The following GRIK2 variants were observed in gnomAD, a reference collection of about 807,000 sequenced individuals.
The protein encoded by GRIK2 is glutamate ionotropic receptor kainate type subunit 2.
GRIK2 carries 32 observed loss-of-function variants against 100.3 expected under a neutral mutation model. The ratio of observed to expected loss-of-function variants is 0.32; its 90% CI spans 0.24 to 0.43. The LOEUF is 0.43. GRIK2 is among the 20% of genes least tolerant of loss of function. The probability of loss-of-function intolerance (pLI) is 1.00; values close to 1 mark genes in which losing one functional copy is unlikely to be tolerated. For missense variants in GRIK2, 843 were observed against 1,114.9 expected, an observed-to-expected ratio of 0.76 and a Z score of 3.47; for synonymous variants, 417 against 389.4, an observed-to-expected ratio of 1.07 and a Z score of -0.83.
At chr6:101,654,807 C>T (rs1041258837) in intron 4 of GRIK2, among the ~76,000 whole-genome samples, 1 of 152,120 alleles carries the variant, frequency 6.6e-6, no homozygotes, top group Non-Finnish European at 1.5e-5. Context: ...TTTGCATGCT[C>T]AACCCACTCT....
chr6:101,886,256 T>C (rs932415739), intron 11 of GRIK2, among the ~76,000 whole-genome samples: 14 of 152,180 alleles, frequency 9.2e-5, no homozygotes, highest in Admixed American at 3.3e-4. Context: ...CCCCATGCTT[T>C]TTCATGGCTT....
intron 2 of GRIK2, among the ~76,000 whole-genome samples, chr6:101,617,588 CA>C (rs1353246475): frequency 6.6e-6 from 1 of 151,786 alleles, no homozygotes; most frequent in Non-Finnish European, 1.5e-5. Context: ...ACTCAATTTT[CA>C]ATGTTGATTG....
intron 7 of GRIK2, among the ~76,000 whole-genome samples, chr6:101,757,049 GAAAA>G (rs1254179768): frequency 6.6e-6 from 1 of 152,058 alleles, no homozygotes; most frequent in Non-Finnish European, 1.5e-5. Context: ...TCACGTTCCA[GAAAA>G]ATCTTGCTTT....
At chr6:101,546,565 C>G (rs1051390990) in intron 2 of GRIK2, among the ~76,000 whole-genome samples, 1 of 152,128 alleles carries the variant, frequency 6.6e-6, no homozygotes, top group Non-Finnish European at 1.5e-5. Flanking sequence ...ACAAATTAAT[C>G]TTTCTATGCC....
At chr6:102,045,946 G>A (rs560432049) in intron 15 of GRIK2, among the ~76,000 whole-genome samples, 1 of 152,104 alleles carries the variant, frequency 6.6e-6, no homozygotes, top group Non-Finnish European at 1.5e-5. Flanking sequence ...ATTACATGTT[G>A]CATATAAGAG....
At chr6:101,443,757 T>A (rs984095480) in intron 2 of GRIK2, among the ~76,000 whole-genome samples, 4 of 152,218 alleles carry the variant, frequency 2.6e-5, no homozygotes, top group African/African-American at 9.6e-5. Context: ...GATTACTTAC[T>A]CTAGAAATAA....
intron 7 of GRIK2, among the ~76,000 whole-genome samples, chr6:101,763,620 G>C (rs1414951874): frequency 6.6e-6 from 1 of 151,978 alleles, no homozygotes; most frequent in Non-Finnish European, 1.5e-5. Context: ...CTTCTTCTTT[G>C]TTCACTCAAG....
intron 10 of GRIK2, among the ~76,000 whole-genome samples, chr6:101,822,435 G>T (rs1003882018): frequency 6.6e-6 from 1 of 151,924 alleles, no homozygotes; most frequent in Admixed American, 6.6e-5. Context: ...AAGGGCAAGG[G>T]AGTATTCTAG....
At chr6:101,670,685 T>G (rs1309131508) in intron 4 of GRIK2, among the ~76,000 whole-genome samples, 1 of 152,180 alleles carries the variant, frequency 6.6e-6, no homozygotes. Flanking sequence ...GTTTTTTAAT[T>G]CTAATGTTAG....
At chr6:101,747,849 CAG>C (rs1776517708) in intron 7 of GRIK2, among the ~76,000 whole-genome samples, 4 of 151,672 alleles carry the variant, frequency 2.6e-5, no homozygotes, top group African/African-American at 9.7e-5. Flanking sequence ...AACTGCAAAA[CAG>C]ACTTTATCTT....
intron 9 of GRIK2, among the ~76,000 whole-genome samples, chr6:101,817,813 G>A (rs1474981120): frequency 6.6e-6 from 1 of 152,106 alleles, no homozygotes; most frequent in Admixed American, 6.5e-5. Flanking sequence ...CTCCTTTCTT[G>A]GGAGCACTTT....
In GRIK2 at chr6:101,618,228, A is replaced by G. The variant is rs564964534; in HGVS notation, c.116-3721A>G. On this transcript the variant is annotated intron_variant, in intron 2 of 16. Coordinates refer to ENST00000369134, the MANE Select transcript of GRIK2 (RefSeq NM_021956.5). ...TACTTAATCCAGAAATATTTATTGA[A>G]AATACAATCCTTTTTTATTAGAACT... Among the ~76,000 whole-genome samples the G allele has an allele frequency of 8.9e-4, 135 of 151,752 alleles. 1 individual carries two copies. In the South Asian group the frequency reaches 0.028, roughly 31 times the overall value.
intron 14 of GRIK2, among the ~76,000 whole-genome samples, chr6:102,007,989 A>G (rs1010102299): frequency 2.0e-5 from 3 of 152,056 alleles, no homozygotes; most frequent in Non-Finnish European, 4.4e-5. Flanking sequence ...GTTGATAAGA[A>G]AAGGCAATGG....
At chr6:101,878,069 GGT>G (rs1785978486) in intron 11 of GRIK2, among the ~76,000 whole-genome samples, 1 of 124,912 alleles carries the variant, frequency 8.0e-6, no homozygotes, top group Admixed American at 9.9e-5. Context: ...AATCGTGCCA[GGT>G]ATATTATATT....
chr6:101,621,776 C>A (rs1474209277), intron 2 of GRIK2, among the ~76,000 whole-genome samples, 173 bp from the exon 3 acceptor site: 4 of 152,056 alleles, frequency 2.6e-5, no homozygotes, highest in East Asian at 1.9e-4. Flanking sequence ...TAAGCACACA[C>A]CCCATGTACT....
At chr6:101,446,561 A>C (rs1446378146) in intron 2 of GRIK2, among the ~76,000 whole-genome samples, 1 of 151,902 alleles carries the variant, frequency 6.6e-6, no homozygotes, top group East Asian at 1.9e-4. Context: ...ATCTTGTAAA[A>C]GAGCTTGATT....
At chr6:101,806,654 A>G (rs544523703) in intron 9 of GRIK2, among the ~76,000 whole-genome samples, 1 of 150,932 alleles carries the variant, frequency 6.6e-6, no homozygotes, top group African/African-American at 2.4e-5. Context: ...TTTCCTCAAG[A>G]AAACAAAGTT....
chr6:101,730,210 C>A (rs1041157671), intron 7 of GRIK2, among the ~76,000 whole-genome samples: 1 of 151,924 alleles, frequency 6.6e-6, no homozygotes, highest in East Asian at 1.9e-4. Flanking sequence ...CTGTAGAGAG[C>A]CCCTAGTCCT....
chr6:101,965,817 G>A (rs963023600), intron 14 of GRIK2, among the ~76,000 whole-genome samples: 2 of 151,992 alleles, frequency 1.3e-5, no homozygotes, highest in African/African-American at 4.8e-5. Context: ...AGGAGAAAGG[G>A]AGTATAATAA....
Sources: gnomAD v4.1 joint callset for allele counts (sites outside exome capture counted in the v4.1 genomes callset) on GRCh38, gnomAD v4.1.1 for gene constraint, MANE v1.5 for transcripts, NCBI Gene and HGNC (gene_info 2026-07-23, HGNC 2026-07-21) for gene names.